The following SP140 variants were observed in gnomAD, a reference collection of about 807,000 sequenced individuals.
SP140 encodes SP140 nuclear body protein.
SP140 carries 81 observed loss-of-function variants against 125.0 expected under a neutral mutation model. That is an observed-to-expected ratio of 0.65 (90% CI 0.54 to 0.78). The LOEUF (loss-of-function observed/expected upper bound fraction) is 0.78, where lower values mean the gene tolerates loss of function less well. Ranked by LOEUF, SP140 falls within the 30% of genes least tolerant of loss-of-function variation. SP140 has a pLI of 0.00. For missense variants in SP140, 858 were observed against 1,037.0 expected, an observed-to-expected ratio of 0.83 and a Z score of 2.37; for synonymous variants, 312 against 354.0, an observed-to-expected ratio of 0.88 and a Z score of 1.33.
upstream of SP140, among the ~76,000 whole-genome samples, chr2:230,222,771 C>T (rs1296034324): frequency 6.6e-6 from 1 of 150,628 alleles, no homozygotes. Flanking sequence ...CAATCCCCTC[C>T]TTAAGGCCAG....
At position 230,255,461 on chromosome 2, in the gene SP140, A is replaced by G. The variant is rs1367858856; in HGVS notation, c.1169A>G (p.Asp390Gly). The G allele has an allele frequency of 6.2e-7, 1 of 1,613,788 alleles. No individual in the cohort carries two copies. Among genetic ancestry groups the G allele is most frequent in the Non-Finnish European group, 8.5e-7 (1 of 1,179,814 alleles). ...TCCTTCCTTTCTGCAGAGGGCAGTGATGACTGTTCGGAAATGTGTGATGGA... is the reference window on the plus strand; with the variant it reads ...TCCTTCCTTTCTGCAGAGGGCAGTGGTGACTGTTCGGAAATGTGTGATGGA... ...LLPGEGEEGS[D>G]DCSEMCDGEE... The change falls in exon 12 of 27, where the codon GAT (aspartate) becomes GGT (glycine). Residue 390 changes from aspartate (D) to glycine (G), a missense_variant. Transcript: ENST00000392045.
At chr2:230,260,869 C>T (rs763459453) in intron 12 of SP140, among the ~76,000 whole-genome samples, 42 of 152,088 alleles carry the variant, frequency 2.8e-4, no homozygotes, top group South Asian at 4.1e-4. Flanking sequence ...GAAATCATGT[C>T]GTGTGATGCC....
intron 1 of SP140, chr2:230,208,001 GC>G (rs2044063845): frequency 6.5e-7 from 1 of 1,549,446 alleles, no homozygotes; most frequent in Non-Finnish European, 8.9e-7. Flanking sequence ...CTCCTGGGAG[GC>G]TTTTTTTCTT....
intron 15 of SP140, among the ~76,000 whole-genome samples, chr2:230,271,248 C>A (rs986162517): frequency 6.6e-6 from 1 of 152,166 alleles, no homozygotes; most frequent in Non-Finnish European, 1.5e-5. Context: ...TAGGGTGTGG[C>A]TATTAACATA....
At chr2:230,288,000 C>G (rs1467897308) in intron 18 of SP140, 34 bp downstream of exon 18, 1 of 1,543,160 alleles carries the variant, frequency 6.5e-7, no homozygotes, top group Non-Finnish European at 8.9e-7. Context: ...CTTTCAATAA[C>G]TAAACATCTA....
intron 22 of SP140, among the ~76,000 whole-genome samples, chr2:230,298,809 T>C (rs1417356968): frequency 6.6e-6 from 1 of 152,216 alleles, no homozygotes; most frequent in African/African-American, 2.4e-5. Context: ...GGACTATGTA[T>C]GACTGGAACA....
At position 230,211,226 on chromosome 2, in the gene SP140, G is replaced by A. The variant is rs748581183; in HGVS notation, c.-322-2428G>A. Among the ~76,000 whole-genome samples the A allele has an allele frequency of 1.3e-5, 2 of 152,044 alleles. No individual in the cohort carries two copies. The highest frequency in any genetic ancestry group is 2.9e-5 in the Non-Finnish European group (2 of 68,000). On this transcript the variant is annotated intron_variant, in intron 1 of 4. Transcript: ENST00000456542. This position sits in a 1 kb window ranked among gnomAD's most constrained non-coding sequence, Gnocchi z 4.2. The stretch of plus-strand genomic sequence containing the variant: ...GGTGGGGCTCTGTCCATCATCATCC[G>A]TGGCCCTATCCAAGTCTACCTTTTC...
chr2:230,308,595 C>G (rs2059039503), intron 22 of SP140, among the ~76,000 whole-genome samples: 1 of 152,240 alleles, frequency 6.6e-6, no homozygotes, highest in Non-Finnish European at 1.5e-5. Context: ...GGGCTGCGCT[C>G]AGGAACAGAG....
chr2:230,210,373 C>A (rs946732769), intron 1 of SP140, among the ~76,000 whole-genome samples: 5 of 152,162 alleles, frequency 3.3e-5, no homozygotes, highest in African/African-American at 1.2e-4. Context: ...TCCCAGCAGC[C>A]CCTGCTCAAG....
chr2:230,251,472 G>A (rs920339442), intron 10 of SP140, among the ~76,000 whole-genome samples: 3 of 152,132 alleles, frequency 2.0e-5, no homozygotes, highest in Non-Finnish European at 4.4e-5. Context: ...TACAGATGAA[G>A]AAATAAAGGT....
chr2:230,218,456 T>C (rs6738805), intron 3 of SP140, among the ~76,000 whole-genome samples: 17,918 of 152,080 alleles, frequency 0.12, 1,185 homozygotes, highest in Middle Eastern at 0.2. Flanking sequence ...AGGAGAGAAA[T>C]CTACTATCCA....
In SP140 at chr2:230,210,046, C is replaced by G. The variant is rs755581333; in HGVS notation, c.-322-3608C>G. 1.3e-5 allele frequency: 16 copies of G among 1,275,394 alleles called. No individual in the cohort carries two copies. In the Admixed American group the frequency reaches 2.7e-4, roughly 21 times the overall value. 79.0% of individuals were successfully genotyped at this position (1,275,394 alleles called of 1,614,324 possible). On this transcript the variant is annotated intron_variant, in intron 1 of 4. Transcript: ENST00000456542. ...ATATAAGTCATTTCAGAGCTCAGAT[C>G]CAGTGAAGAGAAAGTGCTGAGGGAA... is the stretch of plus-strand genomic sequence containing the variant.
At chr2:230,312,529 G>A in intron 26 of SP140, 57 bp from the exon 27 acceptor site, 2 of 1,128,210 alleles carry the variant, frequency 1.8e-6, no homozygotes, top group Admixed American at 2.0e-5. Flanking sequence ...TCAGTTGAAA[G>A]GTGTCTCATG....
chr2:230,230,544 G>A (rs2047094872), intron 1 of SP140: 1 of 152,118 alleles, frequency 6.6e-6, no homozygotes, highest in Non-Finnish European at 1.5e-5. Context: ...TTTTGGGAAG[G>A]GATTGTTATA....
the SP140 span, among the ~76,000 whole-genome samples, chr2:230,193,873 T>A: frequency 1.3e-5 from 2 of 152,220 alleles, no homozygotes; most frequent in African/African-American, 4.8e-5. Context: ...AAGCACAGTA[T>A]TTGTTGGGAG....
the SP140 span, among the ~76,000 whole-genome samples, chr2:230,186,761 G>A: frequency 6.6e-6 from 1 of 152,008 alleles, no homozygotes; most frequent in Non-Finnish European, 1.5e-5. Context: ...ACAGTATTTG[G>A]TTTTCCATTC....
chr2:230,241,810 G>A (rs1233287899), intron 4 of SP140, among the ~76,000 whole-genome samples: 3 of 152,326 alleles, frequency 2.0e-5, no homozygotes, highest in East Asian at 3.9e-4. Context: ...CCTACCCTCC[G>A]AGGTTGAGAT....
intron 23 of SP140, among the ~76,000 whole-genome samples, 169 bp from the exon 24 acceptor site, chr2:230,310,574 G>GC (rs2059251259): frequency 6.6e-6 from 1 of 152,054 alleles, no homozygotes; most frequent in African/African-American, 2.4e-5. Flanking sequence ...CGAGGGAAAG[G>GC]CCAATGGCTG....
chr2:230,208,033 A>C (rs958965072), intron 1 of SP140: 1 of 1,565,430 alleles, frequency 6.4e-7, no homozygotes, highest in Non-Finnish European at 8.8e-7. Flanking sequence ...TTTGGAGTTG[A>C]CCAGATACAT....
Sources: allele counts gnomAD v4.1 joint callset (sites outside exome capture counted in the v4.1 genomes callset), GRCh38; gene constraint gnomAD v4.1.1; non-coding constraint Gnocchi (gnomAD v3.1); transcripts MANE v1.5; gene names NCBI Gene and HGNC (gene_info 2026-07-23, HGNC 2026-07-21).